ZNG1E: variants seen among roughly 807,000 people sequenced by gnomAD.
ZNG1E encodes the protein Zn regulated GTPase metalloprotein activator 1E.
the ZNG1E span, among the ~76,000 whole-genome samples, chr9:65,666,887 C>G: frequency 1.3e-5 from 2 of 152,238 alleles, no homozygotes; most frequent in Admixed American, 6.5e-5. Context: ...ATGGCACGAT[C>G]TTGGCTCACT....
At chr9:65,669,486 T>C in the ZNG1E span, among the ~76,000 whole-genome samples, 4 of 150,112 alleles carry the variant, frequency 2.7e-5, no homozygotes, top group Middle Eastern at 6.8e-3. Context: ...CCATACATCA[T>C]TGCAAAACAT....
At chr9:65,681,307 T>C in the ZNG1E span, among the ~76,000 whole-genome samples, 542 of 152,114 alleles carry the variant, frequency 3.6e-3, no homozygotes, top group Middle Eastern at 0.01. Context: ...GAAATGGGGG[T>C]GGCCAAGTAA....
chr9:65,675,273 T>A, the ZNG1E span, among the ~76,000 whole-genome samples: 1 of 152,362 alleles, frequency 6.6e-6, no homozygotes, highest in Non-Finnish European at 1.5e-5. Flanking sequence ...AGAAGGGCTA[T>A]CTATGGATTA....
chr9:65,696,027 C>G, the ZNG1E span, among the ~76,000 whole-genome samples: 9 of 131,990 alleles, frequency 6.8e-5, no homozygotes, highest in African/African-American at 1.9e-4. Context: ...AAATGAAAGT[C>G]ATCTGACTTA....
At chr9:65,710,274 G>A in the ZNG1E span, among the ~76,000 whole-genome samples, 1 of 147,204 alleles carries the variant, frequency 6.8e-6, no homozygotes, top group Non-Finnish European at 1.5e-5. Context: ...AGATGAGTAG[G>A]TTGCAAAAAT....
At chr9:65,688,349 CTTGT>C in the ZNG1E span, 2 of 100,224 alleles carry the variant, frequency 2.0e-5, no homozygotes, top group African/African-American at 3.5e-5. Flanking sequence ...TGCTTTTGAG[CTTGT>C]TTATTATAAG....
At chr9:65,657,619 G>C in the ZNG1E span, among the ~76,000 whole-genome samples, 2 of 152,178 alleles carry the variant, frequency 1.3e-5, no homozygotes, top group African/African-American at 4.8e-5. Flanking sequence ...CAAAAATATA[G>C]TTAGATAGAA....
the ZNG1E span, among the ~76,000 whole-genome samples, chr9:65,662,006 A>G: frequency 1.3e-5 from 2 of 152,272 alleles, no homozygotes; most frequent in Non-Finnish European, 2.9e-5. Context: ...GTATCTCCCC[A>G]TCAGGTACTT....
chr9:65,680,243 G>T, the ZNG1E span, among the ~76,000 whole-genome samples: 1 of 152,200 alleles, frequency 6.6e-6, no homozygotes, highest in African/African-American at 2.4e-5. Context: ...GTTGTAAAAA[G>T]TAAAAGAGCT....
the ZNG1E span, among the ~76,000 whole-genome samples, chr9:65,663,668 T>C: frequency 6.6e-6 from 1 of 151,764 alleles, no homozygotes; most frequent in East Asian, 1.9e-4. Flanking sequence ...TATGTAAATA[T>C]GTAGGATAAA....
At chr9:65,678,535 C>CA in the ZNG1E span, among the ~76,000 whole-genome samples, 1 of 141,436 alleles carries the variant, frequency 7.1e-6, no homozygotes. Flanking sequence ...ACCAAATGTC[C>CA]AACAAAAAAA....
the ZNG1E span, among the ~76,000 whole-genome samples, chr9:65,656,608 A>G: frequency 6.6e-6 from 1 of 152,396 alleles, no homozygotes; most frequent in African/African-American, 2.4e-5. Context: ...TAGCCAGATA[A>G]TGGTCCCTCT....
the ZNG1E span, among the ~76,000 whole-genome samples, chr9:65,716,612 T>G: frequency 6.6e-6 from 1 of 150,624 alleles, no homozygotes; most frequent in African/African-American, 2.4e-5. Flanking sequence ...TAGTGTTTTA[T>G]TGGACCCCTT....
chr9:65,721,026 T>G, the ZNG1E span, among the ~76,000 whole-genome samples: 2 of 149,630 alleles, frequency 1.3e-5, no homozygotes, highest in Non-Finnish European at 2.9e-5. Flanking sequence ...TGTCATATAG[T>G]TGAACATGAA....
the ZNG1E span, chr9:65,704,968 G>T: frequency 7.2e-6 from 1 of 139,450 alleles, no homozygotes; most frequent in African/African-American, 2.9e-5. Context: ...AATAGTCAAA[G>T]TCACTCTTAT....
chr9:65,721,602 TA>T, the ZNG1E span, among the ~76,000 whole-genome samples: 24 of 149,812 alleles, frequency 1.6e-4, 1 homozygote, highest in Admixed American at 2.7e-4. Flanking sequence ...CTGGAGTATT[TA>T]AAAAAAACAA....
chr9:65,680,998 G>A, the ZNG1E span, among the ~76,000 whole-genome samples: 5,479 of 149,554 alleles, frequency 0.037, 16 homozygotes, highest in African/African-American at 0.13. Context: ...TTGTGTTAGC[G>A]AGGGTGGTCT....
chr9:65,657,102 GA>G, the ZNG1E span, among the ~76,000 whole-genome samples: 4 of 152,108 alleles, frequency 2.6e-5, no homozygotes, highest in African/African-American at 9.6e-5. Context: ...GCTGGGAGAA[GA>G]AAACTATTAT....
At chr9:65,657,794 A>G in the ZNG1E span, among the ~76,000 whole-genome samples, 1 of 152,290 alleles carries the variant, frequency 6.6e-6, no homozygotes, top group African/African-American at 2.4e-5. Context: ...TGGTTATCAC[A>G]CATTGTATAC....
Sources: gnomAD v4.1 joint callset for allele counts (sites outside exome capture counted in the v4.1 genomes callset) on GRCh38, gnomAD v4.1.1 for gene constraint, MANE v1.5 for transcripts, NCBI Gene and HGNC (gene_info 2026-07-23, HGNC 2026-07-21) for gene names.